TMPRSS13: variants seen among roughly 807,000 people sequenced by gnomAD.
TMPRSS13 encodes transmembrane serine protease 13, also known as transmembrane protease serine 13.
A neutral mutation model predicts 68.4 loss-of-function variants in TMPRSS13; 50 were observed. The observed-to-expected ratio is 0.73, with a 90% CI of 0.58 to 0.93. The LOEUF is 0.93. TMPRSS13 is among the 40% of genes least tolerant of loss of function. TMPRSS13 has a pLI of 0.00. For synonymous variants in TMPRSS13, 267 were observed against 285.8 expected (o/e 0.93, Z 0.66); for missense variants, 615 against 729.2 (o/e 0.84, Z 1.80).
intron 6 of TMPRSS13, among the ~76,000 whole-genome samples, chr11:117,911,274 G>C (rs1403694771): frequency 1.3e-5 from 2 of 152,166 alleles, no homozygotes; most frequent in Non-Finnish European, 2.9e-5. Flanking sequence ...TTCCAACGTG[G>C]CCCTCCCTGT....
chr11:117,913,838 A>T lies in TMPRSS13; in HGVS notation c.748T>A (p.Cys250Ser), dbSNP rs748604944. ...SGSSHQWLPI[C>S]SSNWNDSYSE... The stretch of plus-strand genomic sequence containing the variant: ...TAGGAGTCATTCCAGTTGCTGCTAC[A>T]GATGGGAAGCCACTGATGGGAGGAC... The change falls in exon 5 of 13, where the codon TGT becomes AGT. Residue 250 changes from cysteine to serine, a missense_variant. Transcript: ENST00000524993. The T allele has an allele frequency of 6.2e-7, 1 of 1,614,158 alleles. No homozygotes were observed. Among genetic ancestry groups the T allele is most frequent in the Admixed American group, 1.7e-5 (1 of 60,028 alleles).
At chr11:117,912,262 A>G (rs891780930) in intron 5 of TMPRSS13, among the ~76,000 whole-genome samples, 2 of 152,210 alleles carry the variant, frequency 1.3e-5, no homozygotes, top group East Asian at 1.9e-4. Flanking sequence ...AGAAACACCA[A>G]TCTTGCCCTT....
At chr11:117,925,631 A>G (rs1023494021) in intron 1 of TMPRSS13, among the ~76,000 whole-genome samples, 6 of 152,080 alleles carry the variant, frequency 3.9e-5, no homozygotes, top group African/African-American at 1.5e-4. Context: ...ACCAACCCCC[A>G]TCTGGTGCTG....
intron 5 of TMPRSS13, 125 bp from the exon 6 acceptor site, chr11:117,911,985 C>T (rs1275797677): frequency 4.3e-6 from 3 of 693,420 alleles, no homozygotes; most frequent in Non-Finnish European, 7.4e-6. Context: ...TGAATGGTGG[C>T]CAACTCCTCC....
Position 117,911,879 on chromosome 11 carries a change from G to C in TMPRSS13, c.810-19C>G, listed in dbSNP as rs767356137. ...GTGAGCACTACAAGGGAGCAGAGGGGAGAAGAATGAGCCCCCTGGAGACAG... is the reference window on the plus strand; with the variant it reads ...GTGAGCACTACAAGGGAGCAGAGGGCAGAAGAATGAGCCCCCTGGAGACAG... On this transcript the variant is annotated intron_variant, in intron 5 of 12. Coordinates refer to ENST00000524993, the MANE Select transcript of TMPRSS13 (RefSeq NM_001077263.3). The C allele has an allele frequency of 6.2e-7, 1 of 1,601,342 alleles. No individual in the cohort carries two copies. The highest frequency in any genetic ancestry group is 8.6e-7 in the Non-Finnish European group (1 of 1,169,052).
In TMPRSS13 at chr11:117,902,244, A is replaced by G. The variant is rs1432228912; in HGVS notation, c.1699T>C (p.Ser567Pro). ...KMESEVRFRKS is the reference protein window; with the variant it reads ...KMESEVRFRKP Reference sequence around the variant, plus strand: ...CAGAGCAGCAGGCCAGCTGGTTAGGATTTTCTGAATCGCACCTCGCTCTGA... The same window carrying G: ...CAGAGCAGCAGGCCAGCTGGTTAGGGTTTTCTGAATCGCACCTCGCTCTGA... The change falls in exon 13 of 13, where the codon TCC (serine) becomes CCC (proline). Residue 567 changes from serine (S) to proline (P), a missense_variant. Ser to Pro is a moderately conservative substitution (Grantham distance 74). Transcript: ENST00000524993. 6.2e-7 allele frequency: 1 copy of G among 1,613,300 alleles called. No individual in the cohort carries two copies. The highest frequency in any genetic ancestry group is 8.5e-7 in the Non-Finnish European group (1 of 1,179,830).
At chr11:117,919,167 G>T (rs980058025) in intron 1 of TMPRSS13, among the ~76,000 whole-genome samples, 1 of 152,192 alleles carries the variant, frequency 6.6e-6, no homozygotes, top group African/African-American at 2.4e-5. Flanking sequence ...AGAGGCTGCT[G>T]GGTTGGTCAC....
intron 5 of TMPRSS13, among the ~76,000 whole-genome samples, chr11:117,912,110 T>C (rs1170542128): frequency 6.6e-6 from 1 of 152,132 alleles, no homozygotes; most frequent in East Asian, 1.9e-4. Flanking sequence ...CCAGCATTTC[T>C]CATGGTGGAG....
At chr11:117,910,803 A>G in intron 6 of TMPRSS13, 53 bp from the exon 7 acceptor site, 1 of 1,538,950 alleles carries the variant, frequency 6.5e-7, no homozygotes, top group Non-Finnish European at 8.9e-7. Context: ...TACCTCCTCC[A>G]GGAAGCCTTC....
Position 117,927,128 on chromosome 11 carries a change from G to T in TMPRSS13, c.21+2159C>A, listed in dbSNP as rs1315723918. On this transcript the variant is annotated intron_variant, in intron 1 of 12. Coordinates refer to ENST00000524993, the MANE Select transcript of TMPRSS13 (RefSeq NM_001077263.3). ...TTTGCACAATCAAAGGCAGCCAACT[G>T]TTCAAACAGTGTTCAAATAAGGCTA... is the stretch of plus-strand genomic sequence containing the variant. Among the ~76,000 whole-genome samples the T allele has an allele frequency of 4.6e-5, 7 of 152,260 alleles. 1 individual carries two copies. In the East Asian group the frequency reaches 1.2e-3, roughly 25 times the overall value.
intron 1 of TMPRSS13, among the ~76,000 whole-genome samples, chr11:117,920,274 A>AT (rs2057629711): frequency 6.6e-6 from 1 of 152,202 alleles, no homozygotes; most frequent in South Asian, 2.1e-4. Context: ...TCATGCCTGT[A>AT]AAACGCCCAA....
rs2057551814 is a variant in TMPRSS13, at chr11:117,914,282, C to T, written c.679+110G>A. 1.4e-6 allele frequency: 2 copies of T among 1,425,902 alleles called. No homozygotes were observed. Among genetic ancestry groups the T allele is most frequent in the Non-Finnish European group, 1.9e-6 (2 of 1,033,528 alleles). 88.3% of individuals were successfully genotyped at this position (1,425,902 alleles called of 1,614,324 possible). On this transcript the variant is annotated intron_variant, in intron 4 of 12. Coordinates refer to ENST00000524993, the MANE Select transcript of TMPRSS13 (RefSeq NM_001077263.3). This position sits in a 1 kb window ranked among gnomAD's most constrained non-coding sequence, Gnocchi z 4.2. ...ACAAACATGCACATACACACACATG[C>T]ACGCACACATATACACACACAGGCA... is the stretch of plus-strand genomic sequence containing the variant.
intron 6 of TMPRSS13, among the ~76,000 whole-genome samples, chr11:117,911,366 T>C (rs10160708): frequency 0.99 from 150,338 of 152,242 alleles, 74,268 homozygotes; most frequent in Middle Eastern, 1. Context: ...GAGCAGAGAA[T>C]GGGCCGAGTA....
At chr11:117,921,392 C>T (rs187083273) in intron 1 of TMPRSS13, among the ~76,000 whole-genome samples, 2 of 152,324 alleles carry the variant, frequency 1.3e-5, no homozygotes, top group African/African-American at 4.8e-5. Context: ...AACAGCCCAC[C>T]TCACCCCCTG....
chr11:117,911,032 G>A (rs1565347953), intron 6 of TMPRSS13, among the ~76,000 whole-genome samples: 2 of 152,222 alleles, frequency 1.3e-5, no homozygotes, highest in South Asian at 2.1e-4. Context: ...CATGTTCTTC[G>A]AACTTAGGAC....
chr11:117,905,661 AAGCCTGTG>A lies in TMPRSS13; in HGVS notation c.1350_1357del (p.Thr451TrpfsTer8). On this transcript the variant is annotated frameshift_variant, in exon 10 of 13. Coordinates refer to ENST00000524993, the MANE Select transcript of TMPRSS13 (RefSeq NM_001077263.3). LOFTEE classifies it high-confidence loss of function. ...ACCATCTGTCTCCCTGGTCTTGCCA[AAGCCTGTG>A]ATCCAGCAGGTCTCATTGAGGCTAA... is the stretch of plus-strand genomic sequence containing the variant. 6.2e-7 allele frequency: 1 copy of A among 1,604,174 alleles called. No homozygotes were observed. The highest frequency in any genetic ancestry group is 8.5e-7 in the Non-Finnish European group (1 of 1,174,234).
chr11:117,928,064 C>T (rs145729407), intron 1 of TMPRSS13, among the ~76,000 whole-genome samples: 27 of 152,318 alleles, frequency 1.8e-4, no homozygotes, highest in Non-Finnish European at 2.9e-4. Context: ...GGCCACCCTC[C>T]GGATAGCTCA....
intron 5 of TMPRSS13, among the ~76,000 whole-genome samples, chr11:117,912,796 G>A (rs538049298): frequency 1.5e-4 from 23 of 152,284 alleles, no homozygotes; most frequent in Admixed American, 3.3e-4. Flanking sequence ...TCAAGGCTGG[G>A]CTCCTGTCTT....
At position 117,908,573 on chromosome 11, in the gene TMPRSS13, G is replaced by C. The variant is rs1387900977; in HGVS notation, c.1282+39C>G. On this transcript the variant is annotated intron_variant, in intron 9 of 12. Coordinates refer to ENST00000524993, the MANE Select transcript of TMPRSS13 (RefSeq NM_001077263.3). ...TGCGAGGGCTGCAGAGGGTGCTGGG[G>C]CTGGGGGGCAGGAGAGCGGGGAGTG... 3.2e-6 allele frequency: 5 copies of C among 1,544,102 alleles called. No homozygotes were observed. The East Asian group carries it at 1.2e-4, about 38-fold the overall frequency.
Sources: allele counts gnomAD v4.1 joint callset (sites outside exome capture counted in the v4.1 genomes callset), GRCh38; gene constraint gnomAD v4.1.1; non-coding constraint Gnocchi (gnomAD v3.1); transcripts MANE v1.5; gene names NCBI Gene and HGNC (gene_info 2026-07-23, HGNC 2026-07-21).